Variants in EPHB1 observed in about 807,000 individuals in gnomAD.
EPHB1 encodes the protein ephrin type-B receptor 1.
Under a neutral mutation model 94.4 loss-of-function variants are expected in EPHB1, and 30 were observed. That is an observed-to-expected ratio of 0.32 (90% CI 0.24 to 0.43). EPHB1 has a LOEUF of 0.43. Ranked by LOEUF, EPHB1 falls within the 20% of genes least tolerant of loss-of-function variation. The pLI is 1.00. For missense variants in EPHB1, 1,055 were observed against 1,308.3 expected (o/e 0.81, Z 2.99); for synonymous variants, 522 against 489.1 (o/e 1.07, Z -0.89).
chr3:134,928,268 G>A (rs147031161), intron 2 of EPHB1, among the ~76,000 whole-genome samples: 32 of 152,238 alleles, frequency 2.1e-4, no homozygotes, highest in Non-Finnish European at 3.7e-4. Context: ...TCAGGGATAC[G>A]CTCTCTGCAT....
At chr3:135,216,741 A>G (rs1009056541) in intron 12 of EPHB1, among the ~76,000 whole-genome samples, 5 of 151,238 alleles carry the variant, frequency 3.3e-5, no homozygotes, top group Middle Eastern at 3.4e-3. Context: ...AAAAAAAAAA[A>G]AAAAAAATCA....
intron 10 of EPHB1, among the ~76,000 whole-genome samples, chr3:135,181,578 G>A (rs1942153244): frequency 6.6e-6 from 1 of 152,176 alleles, no homozygotes; most frequent in Non-Finnish European, 1.5e-5. Context: ...ATGGCTTGTG[G>A]TAATGGTGCT....
intron 4 of EPHB1, among the ~76,000 whole-genome samples, chr3:135,119,014 A>G (rs1262912102): frequency 6.6e-6 from 1 of 152,220 alleles, no homozygotes; most frequent in African/African-American, 2.4e-5. Context: ...AGCAGTGTGC[A>G]TCAGGCTTCT....
chr3:135,093,579 A>G (rs1213400197), intron 3 of EPHB1, among the ~76,000 whole-genome samples: 1 of 152,050 alleles, frequency 6.6e-6, no homozygotes, highest in Non-Finnish European at 1.5e-5. Context: ...ATAATTAGCC[A>G]GGCCTGGTGG....
At chr3:134,895,806 A>G (rs973024285) in intron 1 of EPHB1, among the ~76,000 whole-genome samples, 3 of 152,184 alleles carry the variant, frequency 2.0e-5, no homozygotes, top group African/African-American at 7.2e-5. Context: ...TGCATTTTGA[A>G]AAGGATGGAC....
chr3:135,175,160 A>G (rs1048251756), intron 9 of EPHB1, among the ~76,000 whole-genome samples: 2 of 152,040 alleles, frequency 1.3e-5, no homozygotes, highest in Non-Finnish European at 2.9e-5. Flanking sequence ...CTTCCCTGAG[A>G]CCCTGGCTCT....
At chr3:135,140,519 T>C (rs1940782757) in intron 5 of EPHB1, among the ~76,000 whole-genome samples, 1 of 152,220 alleles carries the variant, frequency 6.6e-6, no homozygotes, top group Non-Finnish European at 1.5e-5. Flanking sequence ...CATCAGCAAA[T>C]GGTGCAGCTT....
chr3:134,926,139 GT>G (rs2038787413), intron 2 of EPHB1, among the ~76,000 whole-genome samples: 1 of 152,218 alleles, frequency 6.6e-6, no homozygotes, highest in African/African-American at 2.4e-5. Context: ...CCATCGCTGT[GT>G]GGGGATGGGG....
At chr3:134,945,173 C>CT (rs1351534990) in intron 2 of EPHB1, among the ~76,000 whole-genome samples, 1 of 152,134 alleles carries the variant, frequency 6.6e-6, no homozygotes, top group East Asian at 1.9e-4. Context: ...GTAACAAATA[C>CT]TTTTTTTCTA....
At chr3:134,847,794 T>C (rs2036903765) in intron 1 of EPHB1, among the ~76,000 whole-genome samples, 1 of 152,170 alleles carries the variant, frequency 6.6e-6, no homozygotes, top group South Asian at 2.1e-4. Context: ...TGGATAAGCA[T>C]AAGTGTTGTG....
At chr3:134,930,775 C>G (rs1304630493) in intron 2 of EPHB1, among the ~76,000 whole-genome samples, 1 of 152,224 alleles carries the variant, frequency 6.6e-6, no homozygotes, top group African/African-American at 2.4e-5. Context: ...GTTCTCAGCC[C>G]CACTGGGACG....
chr3:134,982,518 C>T (rs1280406941), intron 3 of EPHB1, among the ~76,000 whole-genome samples: 1 of 152,178 alleles, frequency 6.6e-6, no homozygotes, highest in East Asian at 1.9e-4. Context: ...GCATCACTCT[C>T]ATAACCTGAT....
chr3:135,206,475 T>C (rs1261056606), intron 12 of EPHB1, among the ~76,000 whole-genome samples: 3 of 152,268 alleles, frequency 2.0e-5, no homozygotes, highest in Non-Finnish European at 2.9e-5. Context: ...TTTATTCTTA[T>C]GCTCAACCGT....
At chr3:134,927,402 A>T (rs1341122924) in intron 2 of EPHB1, among the ~76,000 whole-genome samples, 1 of 152,240 alleles carries the variant, frequency 6.6e-6, no homozygotes, top group African/African-American at 2.4e-5. Flanking sequence ...GGGAGCAGGG[A>T]CAGGGGCAGA....
intron 3 of EPHB1, among the ~76,000 whole-genome samples, chr3:135,084,248 A>G (rs572743921): frequency 6.6e-6 from 1 of 152,058 alleles, no homozygotes; most frequent in South Asian, 2.1e-4. Context: ...TAATGGGAAA[A>G]TCTCTCCAGG....
At chr3:134,907,432 G>A (rs969695629) in intron 1 of EPHB1, among the ~76,000 whole-genome samples, 2 of 152,216 alleles carry the variant, frequency 1.3e-5, no homozygotes, top group Non-Finnish European at 2.9e-5. Context: ...AGAAAACACA[G>A]CTCAGTTGTC....
intron 4 of EPHB1, among the ~76,000 whole-genome samples, chr3:135,111,688 C>T (rs894247786): frequency 1.3e-5 from 2 of 151,872 alleles, no homozygotes; most frequent in Admixed American, 6.6e-5. Flanking sequence ...CATTTTCACT[C>T]TTTTTTTTTG....
intron 3 of EPHB1, among the ~76,000 whole-genome samples, chr3:135,070,385 C>T (rs942250583): frequency 6.6e-6 from 1 of 152,164 alleles, no homozygotes; most frequent in Non-Finnish European, 1.5e-5. Flanking sequence ...GTTTACTTGA[C>T]CTGCTTTAGA....
At chr3:135,157,336 C>T (rs186084893) in intron 6 of EPHB1, among the ~76,000 whole-genome samples, 1 of 152,350 alleles carries the variant, frequency 6.6e-6, no homozygotes, top group African/African-American at 2.4e-5. Flanking sequence ...AGCCACGAGG[C>T]TCATGCCTGT....
Sources: allele counts gnomAD v4.1 joint callset (sites outside exome capture counted in the v4.1 genomes callset), GRCh38; gene constraint gnomAD v4.1.1; transcripts MANE v1.5; gene names NCBI Gene and HGNC (gene_info 2026-07-23, HGNC 2026-07-21).